The following HERC1 variants were observed in gnomAD, a reference collection of about 807,000 sequenced individuals.
HERC1 encodes the protein probable E3 ubiquitin-protein ligase HERC1.
Under a neutral mutation model 554.3 loss-of-function variants are expected in HERC1, and 160 were observed. The ratio of observed to expected loss-of-function variants is 0.29; its 90% CI spans 0.25 to 0.33. HERC1 has a LOEUF of 0.33. Ranked by LOEUF, HERC1 falls within the 10% of genes least tolerant of loss-of-function variation. The probability of loss-of-function intolerance (pLI) is 1.00; values close to 1 mark genes in which losing one functional copy is unlikely to be tolerated. For missense variants in HERC1, 4,919 were observed against 5,918.5 expected, an observed-to-expected ratio of 0.83 and a Z score of 5.54; for synonymous variants, 2,175 against 2,131.7, an observed-to-expected ratio of 1.02 and a Z score of -0.56.
At chr15:63,828,805 TTAAAC>T (rs1379645195) in intron 1 of HERC1, among the ~76,000 whole-genome samples, 1 of 152,078 alleles carries the variant, frequency 6.6e-6, no homozygotes, top group East Asian at 1.9e-4. Flanking sequence ...ATGAATAAGA[TTAAAC>T]TAAAGGGAGT....
At chr15:63,619,841 T>C (rs1033448098) in intron 74 of HERC1, among the ~76,000 whole-genome samples, 2 of 152,126 alleles carry the variant, frequency 1.3e-5, no homozygotes, top group African/African-American at 4.8e-5. Flanking sequence ...GGTGGTGATA[T>C]CCCCTTTGTC....
intron 61 of HERC1, 87 bp from the exon 62 acceptor site, chr15:63,638,863 G>A (rs1595872559): frequency 2.3e-6 from 2 of 887,950 alleles, no homozygotes; most frequent in East Asian, 4.8e-5. Flanking sequence ...TAATCATTAA[G>A]TCTTATTTCC....
At chr15:63,780,655 G>C (rs1244785508) in intron 1 of HERC1, 1 of 152,098 alleles carries the variant, frequency 6.6e-6, no homozygotes, top group African/African-American at 2.4e-5. Context: ...CCGGGAGGCG[G>C]AGGTTACGGT....
intron 42 of HERC1, 44 bp downstream of exon 42, chr15:63,665,875 A>C: frequency 6.9e-7 from 1 of 1,450,740 alleles, no homozygotes; most frequent in African/African-American, 1.4e-5. Context: ...GGGGCTTTGA[A>C]ATTTATAACA....
At chr15:63,783,785 G>A (rs951103276) in intron 1 of HERC1, among the ~76,000 whole-genome samples, 1 of 152,172 alleles carries the variant, frequency 6.6e-6, no homozygotes, top group East Asian at 1.9e-4. Context: ...ACTCATGATC[G>A]GGCCGGGTGC....
In HERC1 at chr15:63,638,499, C is replaced by T; in HGVS notation, c.12005G>A (p.Trp4002Ter). The change falls in exon 63 of 78, where the codon TGG becomes TAG. Residue 4002 changes from tryptophan (W) to a stop codon, truncating the protein, a stop_gained. Transcript: ENST00000443617. LOFTEE classifies it high-confidence loss of function. ...HLGGKCDVYL[W>*]GAGRHGQLAE... ...CAGCTGTCCATGCCTACCAGCACCC[C>T]ATAAGTAGACATCACATTTACCTCC... 1 of 1,613,848 alleles carries T rather than the reference C, an allele frequency of 6.2e-7. No individual in the cohort carries two copies. The highest frequency in any genetic ancestry group is 8.5e-7 in the Non-Finnish European group (1 of 1,179,810).
At chr15:63,784,222 C>T (rs925753534) in intron 1 of HERC1, among the ~76,000 whole-genome samples, 2 of 151,802 alleles carry the variant, frequency 1.3e-5, no homozygotes, top group African/African-American at 4.8e-5. Flanking sequence ...TTTTAAGTAC[C>T]AGTGGAAAAT....
chr15:63,748,499 A>C (rs1407004673), intron 10 of HERC1, among the ~76,000 whole-genome samples: 2 of 152,144 alleles, frequency 1.3e-5, no homozygotes, highest in Admixed American at 1.3e-4. Context: ...ATTAAGAAAA[A>C]TATCCTGACT....
At chr15:63,806,342 C>T (rs1167518975) in intron 1 of HERC1, among the ~76,000 whole-genome samples, 3 of 152,118 alleles carry the variant, frequency 2.0e-5, no homozygotes, top group African/African-American at 7.2e-5. Context: ...CTTCAAAGGC[C>T]TATCTCAAAG....
chr15:63,624,175 T>C lies in HERC1; in HGVS notation c.13428A>G (p.Val4476=), dbSNP rs1318841614. The C allele has an allele frequency of 6.2e-7, 1 of 1,612,968 alleles. No homozygotes were observed. The highest frequency in any genetic ancestry group is 2.2e-5 in the East Asian group (1 of 44,888). The change falls in exon 72 of 78, where the codon GTA becomes GTG. Residue 4476 remains valine, a synonymous_variant. Coordinates refer to ENST00000443617, the MANE Select transcript of HERC1 (RefSeq NM_003922.4). ...QGKNYGPQIT[V]KRISTRGRKC... ...ATGCTAACCTGGTTGATATCCTCTTTACAGTTATCTGAGGTCCATAGTTTT... is the reference window on the plus strand; with the variant it reads ...ATGCTAACCTGGTTGATATCCTCTTCACAGTTATCTGAGGTCCATAGTTTT...
In HERC1 at chr15:63,641,452, G is replaced by C; in HGVS notation, c.11607+18C>G. On this transcript the variant is annotated intron_variant, in intron 60 of 77. Coordinates refer to ENST00000443617, the MANE Select transcript of HERC1 (RefSeq NM_003922.4). ...ACCAGGTATCTGTGTATCTCTAGGAGTGAGTGTAATGAGTTACCTTTTCAT... is the reference window on the plus strand; with the variant it reads ...ACCAGGTATCTGTGTATCTCTAGGACTGAGTGTAATGAGTTACCTTTTCAT... The C allele has an allele frequency of 6.3e-7, 1 of 1,597,256 alleles. No individual in the cohort carries two copies. Among genetic ancestry groups the C allele is most frequent in the South Asian group, 1.1e-5 (1 of 89,604 alleles).
At position 63,725,474 on chromosome 15, in the gene HERC1, G is replaced by C; in HGVS notation, c.3386C>G (p.Pro1129Arg). 6.2e-7 allele frequency: 1 copy of C among 1,613,882 alleles called. No homozygotes were observed. Among genetic ancestry groups the C allele is most frequent in the Admixed American group, 1.7e-5 (1 of 59,996 alleles). Residue 1129 changes from proline (P) to arginine (R), a missense_variant, in exon 18 of 78, where the codon CCT becomes CGT. Pro to Arg is a moderately radical substitution (Grantham distance 103). Coordinates refer to ENST00000443617, the MANE Select transcript of HERC1 (RefSeq NM_003922.4). Reference sequence around the variant, plus strand: ...CCATACCCAGGACTGAGCTGGCTGAGGTAATGGCAGACCAGCAGGATCAAT... The same window carrying C: ...CCATACCCAGGACTGAGCTGGCTGACGTAATGGCAGACCAGCAGGATCAAT... ...ELIDPAGLPL[P>R]QPAQSWVWLV... is the part of the protein sequence containing the mutation.
intron 25 of HERC1, among the ~76,000 whole-genome samples, chr15:63,702,295 T>C (rs1265485705): frequency 6.6e-6 from 1 of 152,168 alleles, no homozygotes; most frequent in Non-Finnish European, 1.5e-5. Flanking sequence ...TAATTTGAAA[T>C]GCACAGACAA....
At chr15:63,640,735 G>T (rs2069011427) in intron 60 of HERC1, among the ~76,000 whole-genome samples, 1 of 152,060 alleles carries the variant, frequency 6.6e-6, no homozygotes, top group African/African-American at 2.4e-5. Flanking sequence ...AACTTTATTT[G>T]GTTTTCCTCA....
Position 63,638,700 on chromosome 15 carries a change from T to C in HERC1, c.11967+11A>G, listed in dbSNP as rs758763575. The C allele has an allele frequency of 1.9e-6, 3 of 1,608,788 alleles. No individual in the cohort carries two copies. The highest frequency in any genetic ancestry group is 1.7e-4 in the Middle Eastern group (1 of 6,050). On this transcript the variant is annotated intron_variant, in intron 62 of 77. Coordinates refer to ENST00000443617, the MANE Select transcript of HERC1 (RefSeq NM_003922.4). Reference sequence around the variant, plus strand: ...GAGAACCATCATACAGTTATCTTCATCTTTACTGACCTCAGGTCTGGAAGT... The same window carrying C: ...GAGAACCATCATACAGTTATCTTCACCTTTACTGACCTCAGGTCTGGAAGT...
Position 63,749,702 on chromosome 15 carries a change from G to C in HERC1, c.1992C>G (p.Ala664=). The C allele has an allele frequency of 1.3e-6, 2 of 1,590,286 alleles. No homozygotes were observed. The highest frequency in any genetic ancestry group is 8.6e-7 in the Non-Finnish European group (1 of 1,167,560). The stretch of plus-strand genomic sequence containing the variant: ...CAATAGAAACATCAACTATTCTTGT[G>C]GCAGCCAGTTCTTCAATAAGCTTGG... The part of the protein sequence containing the change: ...LRPKLIEELA[A]TRIVDVSIGD... Residue 664 remains alanine, a synonymous_variant, in exon 9 of 78, where the codon GCC becomes GCG. Transcript: ENST00000443617. This position sits in a 1 kb window ranked among gnomAD's most constrained non-coding sequence, Gnocchi z 4.1.
intron 77 of HERC1, among the ~76,000 whole-genome samples, chr15:63,611,680 CA>C (rs966682483): frequency 3.2e-4 from 48 of 152,340 alleles, no homozygotes; most frequent in African/African-American, 1.1e-3. Context: ...AGCTTTAACT[CA>C]GGAAGATGCT....
intron 1 of HERC1, among the ~76,000 whole-genome samples, chr15:63,809,786 T>G (rs1314640437): frequency 2.4e-5 from 2 of 81,786 alleles, no homozygotes; most frequent in East Asian, 4.3e-4. Context: ...TTGTTTAGAA[T>G]AGCAAAAAAA....
At chr15:63,821,159 T>C (rs940383691) in intron 1 of HERC1, among the ~76,000 whole-genome samples, 4 of 152,174 alleles carry the variant, frequency 2.6e-5, no homozygotes, top group Non-Finnish European at 5.9e-5. Context: ...CATTAGCTCA[T>C]GCCTATAATC....
Sources: allele counts gnomAD v4.1 joint callset (sites outside exome capture counted in the v4.1 genomes callset), GRCh38; gene constraint gnomAD v4.1.1; non-coding constraint Gnocchi (gnomAD v3.1); transcripts MANE v1.5; gene names NCBI Gene and HGNC (gene_info 2026-07-23, HGNC 2026-07-21).